The following FYB2 variants were observed in gnomAD, a reference collection of about 807,000 sequenced individuals.
FYB2 encodes the protein FYN-binding protein 2.
A neutral mutation model predicts 94.1 loss-of-function variants in FYB2; 103 were observed. The observed-to-expected ratio is 1.09, with a 90% CI of 0.93 to 1.29. The LOEUF (loss-of-function observed/expected upper bound fraction) is 1.29. Ranked by LOEUF, FYB2 falls within the 50% of genes most tolerant of loss-of-function variation. The pLI is 0.00. For synonymous variants in FYB2, 293 were observed against 287.9 expected (o/e 1.02, Z -0.18); for missense variants, 896 against 841.5 (o/e 1.06, Z -0.80).
intron 15 of FYB2, among the ~76,000 whole-genome samples, chr1:56,733,217 G>A (rs1016286436): frequency 6.6e-6 from 1 of 151,848 alleles, no homozygotes; most frequent in Non-Finnish European, 1.5e-5. Context: ...AGTTTATTTG[G>A]GTAGAGGTGT....
At chr1:56,781,571 G>A (rs1646010006) in intron 4 of FYB2, among the ~76,000 whole-genome samples, 1 of 152,190 alleles carries the variant, frequency 6.6e-6, no homozygotes, top group South Asian at 2.1e-4. Flanking sequence ...AACACTGAGT[G>A]TGTGTTGCTA....
At chr1:56,823,565 T>G (rs1647005649), upstream of FYB2, 1 of 152,238 alleles carries the variant, frequency 6.6e-6, no homozygotes, top group Admixed American at 6.5e-5. Context: ...TTGCCTTGAA[T>G]GAAGCTCGCA....
rs180865030 is a variant in FYB2, at chr1:56,792,111, C to T, written c.702G>A (p.Pro234=). The T allele has an allele frequency of 1.2e-4, 195 of 1,611,040 alleles. 1 individual carries two copies. In the East Asian group the frequency reaches 2.4e-3, roughly 20 times the overall value. Residue 234 remains proline, a synonymous_variant, in exon 2 of 20, where the codon CCG becomes CCA. Coordinates refer to ENST00000343433, the MANE Select transcript of FYB2 (RefSeq NM_001004303.5). ...AGATGGGCTGGCAGGGGCTGCTTGC[C>T]GGGCTCCTCTCAGGAGGTGGGTTTT... is the stretch of plus-strand genomic sequence containing the variant. ...SWENPPPERS[P]ASSPCQPIYE...
intron 1 of FYB2, among the ~76,000 whole-genome samples, chr1:56,818,238 G>C (rs1323518162): frequency 6.6e-6 from 1 of 151,972 alleles, no homozygotes; most frequent in Non-Finnish European, 1.5e-5. Context: ...ACATGCCCCT[G>C]CTCACCCCTT....
At position 56,719,641 on chromosome 1, in the gene FYB2, T is replaced by C. The variant is rs772443169; in HGVS notation, c.*30A>G. 6 of 1,585,142 alleles carry C rather than the reference T, an allele frequency of 3.8e-6. No homozygotes were observed. Among genetic ancestry groups the C allele is most frequent in the Non-Finnish European group, 5.2e-6 (6 of 1,158,496 alleles). ...GGATCTTAGGACTAGTTCTCCTTTG[T>C]GCAGTCCATAGCATTTGATCTTGAT... On this transcript the variant is annotated 3_prime_UTR_variant, in exon 20 of 20. Coordinates refer to ENST00000343433, the MANE Select transcript of FYB2 (RefSeq NM_001004303.5).
chr1:56,773,725 T>C (rs1177969066), intron 4 of FYB2, among the ~76,000 whole-genome samples: 1 of 152,180 alleles, frequency 6.6e-6, no homozygotes, highest in African/African-American at 2.4e-5. Flanking sequence ...CAACAAAACC[T>C]GTTAGCCATA....
At chr1:56,788,815 G>T in intron 3 of FYB2, 158 bp downstream of exon 3, 1 of 1,056,422 alleles carries the variant, frequency 9.5e-7, no homozygotes, top group Non-Finnish European at 1.4e-6. Context: ...CAGAGACATC[G>T]TTTCATGGGC....
At chr1:56,773,530 C>T (rs1645809106) in intron 4 of FYB2, among the ~76,000 whole-genome samples, 1 of 152,136 alleles carries the variant, frequency 6.6e-6, no homozygotes, top group African/African-American at 2.4e-5. Context: ...CATAGAGTCA[C>T]TGTGAGGGTT....
At chr1:56,730,849 G>GAT (rs1346733085) in intron 15 of FYB2, among the ~76,000 whole-genome samples, 4 of 151,940 alleles carry the variant, frequency 2.6e-5, no homozygotes, top group African/African-American at 9.7e-5. Context: ...ATTACAGGTC[G>GAT]ATATCCCTGA....
upstream of FYB2, chr1:56,819,412 A>T (rs1645086453): frequency 3.6e-6 from 5 of 1,391,090 alleles, no homozygotes; most frequent in African/African-American, 7.1e-5. Flanking sequence ...CACAGGACAC[A>T]CCTGAGCCCA....
At chr1:56,821,144 A>G (rs1364208146), upstream of FYB2, among the ~76,000 whole-genome samples, 1 of 152,112 alleles carries the variant, frequency 6.6e-6, no homozygotes, top group African/African-American at 2.4e-5. Flanking sequence ...CTCTCGGGAG[A>G]ACTTGGAGCC....
chr1:56,758,671 G>A, intron 6 of FYB2, 45 bp downstream of exon 6: 2 of 1,451,634 alleles, frequency 1.4e-6, no homozygotes. Flanking sequence ...AACCTTGCAT[G>A]CTTATTTTAC....
intron 1 of FYB2, among the ~76,000 whole-genome samples, chr1:56,798,186 C>T (rs1646443411): frequency 6.6e-6 from 1 of 152,184 alleles, no homozygotes; most frequent in South Asian, 2.1e-4. Flanking sequence ...TAATTTTTTC[C>T]TGTGTCATCT....
chr1:56,781,355 C>T (rs1646004498), intron 4 of FYB2, among the ~76,000 whole-genome samples: 1 of 152,168 alleles, frequency 6.6e-6, no homozygotes, highest in African/African-American at 2.4e-5. Flanking sequence ...CCTCACATCT[C>T]ACTCCCCACA....
intron 1 of FYB2, among the ~76,000 whole-genome samples, chr1:56,806,422 T>C (rs1457613086): frequency 6.6e-6 from 1 of 151,920 alleles, no homozygotes; most frequent in Non-Finnish European, 1.5e-5. Flanking sequence ...CCTGAGAGAG[T>C]CTGGCATGTG....
At chr1:56,723,436 G>GA in intron 17 of FYB2, 152 bp downstream of exon 17, 2 of 495,946 alleles carry the variant, frequency 4.0e-6, no homozygotes, top group South Asian at 3.0e-5. Flanking sequence ...AATGTACCAG[G>GA]AAAAAATAGG....
At chr1:56,821,306 G>T (rs568912509), upstream of FYB2, among the ~76,000 whole-genome samples, 3 of 152,152 alleles carry the variant, frequency 2.0e-5, no homozygotes, top group Non-Finnish European at 4.4e-5. Context: ...GGAGGTCTGC[G>T]CATTTTGCTT....
intron 4 of FYB2, among the ~76,000 whole-genome samples, chr1:56,778,024 A>G (rs572122817): frequency 6.6e-6 from 1 of 152,264 alleles, no homozygotes; most frequent in Admixed American, 6.5e-5. Context: ...CCATGTCTCC[A>G]AGGTCCTGTA....
Position 56,789,010 on chromosome 1 carries a change from C to T in FYB2, c.882G>A (p.Gln294=). 6.2e-7 allele frequency: 1 copy of T among 1,614,082 alleles called. No homozygotes were observed. The highest frequency in any genetic ancestry group is 8.5e-7 in the Non-Finnish European group (1 of 1,179,990). ...TCTTGGGAACAGCAGCTGGCTGCCT[C>T]TGAAAGGCCTGGAGGTTCACGATGG... is the stretch of plus-strand genomic sequence containing the variant. ...RPPIVNLQAF[Q]RQPAAVPKTQ... The change falls in exon 3 of 20, where the codon CAG becomes CAA. Residue 294 remains glutamine, a synonymous_variant. Coordinates refer to ENST00000343433, the MANE Select transcript of FYB2 (RefSeq NM_001004303.5).
Sources: allele counts gnomAD v4.1 joint callset (sites outside exome capture counted in the v4.1 genomes callset), GRCh38; gene constraint gnomAD v4.1.1; transcripts MANE v1.5; gene names NCBI Gene and HGNC (gene_info 2026-07-23, HGNC 2026-07-21).